The following SDK2 variants were observed in gnomAD, a reference collection of about 807,000 sequenced individuals.
SDK2 encodes the protein sidekick cell adhesion molecule 2, also known as protein sidekick-2.
A neutral mutation model predicts 253.9 loss-of-function variants in SDK2; 105 were observed. That is an observed-to-expected ratio of 0.41 (90% CI 0.35 to 0.49). The LOEUF (loss-of-function observed/expected upper bound fraction) is 0.49. Ranked by LOEUF, SDK2 falls within the 20% of genes least tolerant of loss-of-function variation. SDK2 has a pLI of 0.06. For synonymous variants in SDK2, 1,249 were observed against 1,234.9 expected, an observed-to-expected ratio of 1.01 and a Z score of -0.24; for missense variants, 2,608 against 3,003.0, an observed-to-expected ratio of 0.87 and a Z score of 3.07.
chr17:73,631,840 G>A (rs1172239431), intron 1 of SDK2, among the ~76,000 whole-genome samples: 1 of 152,230 alleles, frequency 6.6e-6, no homozygotes, highest in African/African-American at 2.4e-5. Context: ...GCCCCTGGGC[G>A]GTGGACATAG....
At chr17:73,583,522 G>A (rs998061464) in intron 1 of SDK2, among the ~76,000 whole-genome samples, 1 of 152,136 alleles carries the variant, frequency 6.6e-6, no homozygotes, top group Admixed American at 6.6e-5. Context: ...CTCAACAACC[G>A]CCTCTCACCC....
In SDK2 at chr17:73,381,972, C is replaced by T. The variant is rs181242818; in HGVS notation, c.4706-1022G>A. Among the ~76,000 whole-genome samples the T allele has an allele frequency of 2.4e-4, 36 of 151,930 alleles. No individual in the cohort carries two copies. The East Asian group carries it at 6.4e-3, about 27-fold the overall frequency. ...ACTCATGCCTGTAATCCCAGCACTT[C>T]GGAAGGCCGAGGCAGGTGGATCACC... On this transcript the variant is annotated intron_variant, in intron 33 of 44. Coordinates refer to ENST00000392650, the MANE Select transcript of SDK2 (RefSeq NM_001144952.2).
At chr17:73,482,249 T>C (rs979213544) in intron 2 of SDK2, among the ~76,000 whole-genome samples, 4 of 150,716 alleles carry the variant, frequency 2.7e-5, no homozygotes, top group East Asian at 3.9e-4. Context: ...TGCTCTGGCC[T>C]GCGTGACAAG....
In SDK2 at chr17:73,395,693, C is replaced by A. The variant is rs2062965824; in HGVS notation, c.3355-301G>T. On this transcript the variant is annotated intron_variant, in intron 24 of 44. Coordinates refer to ENST00000392650, the MANE Select transcript of SDK2 (RefSeq NM_001144952.2). This position sits in a 1 kb window ranked among gnomAD's most constrained non-coding sequence, Gnocchi z 4.3. ...GGAGCCACAAAGGCTGTGTGTCTGA[C>A]ACACCGATAGCACCGCCACCTTTGG... Among the ~76,000 whole-genome samples, 1 of 152,238 alleles carries A rather than the reference C, an allele frequency of 6.6e-6. No homozygotes were observed. The highest frequency in any genetic ancestry group is 2.4e-5 in the African/African-American group (1 of 41,458).
chr17:73,583,673 C>G (rs116327901), intron 1 of SDK2, among the ~76,000 whole-genome samples: 1 of 140,146 alleles, frequency 7.1e-6, no homozygotes, highest in Non-Finnish European at 1.6e-5. Context: ...TGCATGGACA[C>G]TGCCTGGAGG....
At chr17:73,501,777 C>A (rs1336554155) in intron 2 of SDK2, among the ~76,000 whole-genome samples, 1 of 152,168 alleles carries the variant, frequency 6.6e-6, no homozygotes, top group African/African-American at 2.4e-5. Flanking sequence ...CTAACAGGTA[C>A]CATTCATGTC....
intron 1 of SDK2, among the ~76,000 whole-genome samples, chr17:73,628,280 C>T (rs975039807): frequency 1.3e-5 from 2 of 152,230 alleles, no homozygotes; most frequent in Admixed American, 6.5e-5. Context: ...ACAGGCTCTG[C>T]GCCCAGTTCC....
intron 2 of SDK2, among the ~76,000 whole-genome samples, chr17:73,490,715 A>C (rs563426645): frequency 2.0e-5 from 3 of 151,698 alleles, no homozygotes; most frequent in Non-Finnish European, 4.4e-5. Flanking sequence ...TTTAAGAGAC[A>C]GGGTCTTGCC....
rs2045368296 is a variant in SDK2, at chr17:73,570,409, G to A, written c.65-62812C>T. ...CCTCCAGGTGCATGTGAGGGTGGGT[G>A]AGGTGGCTCCCACTGCTGGCTGGGT... On this transcript the variant is annotated intron_variant, in intron 1 of 44. Transcript: ENST00000392650. The surrounding 1 kb of genome is among the most constrained non-coding windows in gnomAD (Gnocchi z 4.2). Among the ~76,000 whole-genome samples the A allele has an allele frequency of 6.6e-6, 1 of 152,200 alleles. No homozygotes were observed. Among genetic ancestry groups the A allele is most frequent in the Non-Finnish European group, 1.5e-5 (1 of 68,036 alleles).
intron 4 of SDK2, among the ~76,000 whole-genome samples, chr17:73,451,093 T>C (rs993253575): frequency 6.6e-6 from 1 of 152,226 alleles, no homozygotes; most frequent in Non-Finnish European, 1.5e-5. Context: ...GTTGCTAAGC[T>C]TGGACCATGA....
intron 7 of SDK2, 32 bp downstream of exon 7, chr17:73,437,931 CA>C (rs757323591): frequency 2.4e-5 from 38 of 1,568,496 alleles, no homozygotes; most frequent in Admixed American, 3.8e-5. Context: ...CCCTACCCCT[CA>C]GGGGAGCCCT....
chr17:73,622,947 C>T (rs2046152023), intron 1 of SDK2, among the ~76,000 whole-genome samples: 2 of 152,222 alleles, frequency 1.3e-5, no homozygotes, highest in African/African-American at 4.8e-5. Flanking sequence ...ACCCATCCTG[C>T]ACTTGGCTAA....
intron 1 of SDK2, among the ~76,000 whole-genome samples, chr17:73,514,773 CAG>C (rs563903681): frequency 1.2e-4 from 18 of 152,198 alleles, no homozygotes; most frequent in Non-Finnish European, 1.6e-4. Flanking sequence ...TGCTTGGAAA[CAG>C]GGTGGGAGCT....
At chr17:73,545,151 C>T (rs2044940136) in intron 1 of SDK2, among the ~76,000 whole-genome samples, 1 of 131,152 alleles carries the variant, frequency 7.6e-6, no homozygotes, top group Non-Finnish European at 1.6e-5. Context: ...AGGAAGAAGG[C>T]CACCTTGGGG....
At chr17:73,453,387 T>C (rs1197060378) in intron 4 of SDK2, among the ~76,000 whole-genome samples, 4 of 149,566 alleles carry the variant, frequency 2.7e-5, no homozygotes, top group South Asian at 2.1e-4. Context: ...TTTTTTTTCT[T>C]TTTTTTTGAG....
chr17:73,389,622 C>A (rs1215122580), intron 29 of SDK2, among the ~76,000 whole-genome samples: 1 of 152,210 alleles, frequency 6.6e-6, no homozygotes, highest in Middle Eastern at 3.2e-3. Context: ...GGCAAGGTGC[C>A]AGCTCAGGGC....
chr17:73,454,430 AAGT>A (rs1337175958), intron 4 of SDK2, among the ~76,000 whole-genome samples: 1 of 152,248 alleles, frequency 6.6e-6, no homozygotes, highest in Non-Finnish European at 1.5e-5. Context: ...AGATTTGGCA[AAGT>A]AGTTAAACTT....
intron 19 of SDK2, 29 bp downstream of exon 19, chr17:73,401,917 C>T: frequency 6.6e-7 from 1 of 1,515,078 alleles, no homozygotes; most frequent in Non-Finnish European, 9.0e-7. Context: ...CGGGGGGGGG[C>T]AGAAAGAGCA....
Position 73,618,061 on chromosome 17 carries a change from C to A in SDK2, c.64+25964G>T, listed in dbSNP as rs1325741652. ...GGGAGGTCCCATGGAGTGTGATGGG[C>A]CAGGGAGAGAAGCCTGTTAAAGGGG... On this transcript the variant is annotated intron_variant, in intron 1 of 44. Coordinates refer to ENST00000392650, the MANE Select transcript of SDK2 (RefSeq NM_001144952.2). This position sits in a 1 kb window ranked among gnomAD's most constrained non-coding sequence, Gnocchi z 4.1. 6.6e-6 allele frequency among the ~76,000 whole-genome samples: 1 copy of A among 152,106 alleles called. No homozygotes were observed. The highest frequency in any genetic ancestry group is 2.4e-5 in the African/African-American group (1 of 41,422).
Sources: allele counts gnomAD v4.1 joint callset (sites outside exome capture counted in the v4.1 genomes callset), GRCh38; gene constraint gnomAD v4.1.1; non-coding constraint Gnocchi (gnomAD v3.1); transcripts MANE v1.5; gene names NCBI Gene and HGNC (gene_info 2026-07-23, HGNC 2026-07-21).